Variants in OGDH observed in about 807,000 individuals in gnomAD.
The protein encoded by OGDH is 2-oxoglutarate dehydrogenase complex component E1.
In OGDH, 38 loss-of-function variants were observed where a neutral mutation model predicts 116.6. That is an observed-to-expected ratio of 0.33 (90% CI 0.25 to 0.43). The LOEUF (loss-of-function observed/expected upper bound fraction) is 0.43, where lower values mean the gene tolerates loss of function less well. Ranked by LOEUF, OGDH falls within the 20% of genes least tolerant of loss-of-function variation. The pLI is 1.00. For synonymous variants in OGDH, 488 were observed against 533.3 expected (o/e 0.92, Z 1.17); for missense variants, 825 against 1,357.2 (o/e 0.61, Z 6.16).
At chr7:44,644,978 A>G (rs1054740108) in intron 2 of OGDH, among the ~76,000 whole-genome samples, 2 of 152,238 alleles carry the variant, frequency 1.3e-5, no homozygotes, top group Non-Finnish European at 2.9e-5. Flanking sequence ...CTGTTGACCT[A>G]CATCCTGAAT....
At chr7:44,610,506 G>C (rs915891120) in intron 1 of OGDH, among the ~76,000 whole-genome samples, 2 of 152,056 alleles carry the variant, frequency 1.3e-5, no homozygotes, top group Non-Finnish European at 2.9e-5. Context: ...GTTTCACCGT[G>C]TTGGTCAGGC....
rs112136013 is a variant in OGDH, at chr7:44,681,217, T to C, written c.1207-503T>C. On this transcript the variant is annotated intron_variant, in intron 9 of 22. Coordinates refer to ENST00000222673, the MANE Select transcript of OGDH (RefSeq NM_002541.4). ...AAACAATGGTGAGTGAAAGGGAGGA[T>C]AGCAGACAGCAGCCTCCCAGGTGAG... is the stretch of plus-strand genomic sequence containing the variant. Among the ~76,000 whole-genome samples the C allele has an allele frequency of 5.7e-3, 864 of 152,314 alleles. 10 individuals are homozygous for C. Among genetic ancestry groups the C allele is most frequent in the African/African-American group, 0.019 (790 of 41,570 alleles).
rs1000997635 is a variant in OGDH at position 44,647,396 on chromosome 7, A to G, written c.415-261A>G. 4 of 1,334,918 alleles carry G rather than the reference A, an allele frequency of 3.0e-6. No individual in the cohort carries two copies. In the African/African-American group the frequency reaches 4.3e-5, roughly 14 times the overall value. 82.7% of individuals were successfully genotyped at this position (1,334,918 alleles called of 1,614,324 possible). On this transcript the variant is annotated intron_variant, in intron 3 of 22. Transcript: ENST00000222673. ...ACCTGTGACTCTTTTAACCCTCCCC[A>G]CAGCTCACTGGATCTGCTTAATGAC...
At chr7:44,702,442 GAC>G (rs1491106786) in intron 20 of OGDH, among the ~76,000 whole-genome samples, 2 of 151,988 alleles carry the variant, frequency 1.3e-5, no homozygotes, top group African/African-American at 4.9e-5. Context: ...GCAGGATGTT[GAC>G]ACAGCCTTTA....
chr7:44,645,370 C>T lies in OGDH; in HGVS notation c.266C>T (p.Pro89Leu), dbSNP rs778498070. 3.2e-5 allele frequency: 52 copies of T among 1,614,022 alleles called. No homozygotes were observed. Among genetic ancestry groups the T allele is most frequent in the African/African-American group, 5.3e-5 (4 of 74,928 alleles). The change falls in exon 3 of 23, where the codon CCG becomes CTG. Residue 89 changes from proline to leucine, a missense_variant. This residue lies in a region of OGDH where 126 missense variants were observed against 130.4 expected (regional missense o/e 0.97). Coordinates refer to ENST00000222673, the MANE Select transcript of OGDH (RefSeq NM_002541.4). ...CGCAACACGAATGCCGGAGCCCCAC[C>T]GGGCACTGCCTACCAGAGTCCCCTT... is the stretch of plus-strand genomic sequence containing the variant. ...FFRNTNAGAP[P>L]GTAYQSPLPL...
Position 44,694,666 on chromosome 7 carries a change from C to T in OGDH, c.1668+90C>T, listed in dbSNP as rs184519712. The T allele has an allele frequency of 1.4e-6, 2 of 1,459,044 alleles. No homozygotes were observed. The highest frequency in any genetic ancestry group is 1.9e-6 in the Non-Finnish European group (2 of 1,051,764). 90.4% of individuals were successfully genotyped at this position (1,459,044 alleles called of 1,614,324 possible). A position where few individuals can be genotyped will look rare whatever the true frequency, so the allele number is the denominator to read the frequency against. On this transcript the variant is annotated intron_variant, in intron 12 of 22. Coordinates refer to ENST00000222673, the MANE Select transcript of OGDH (RefSeq NM_002541.4). The surrounding 1 kb of genome is among the most constrained non-coding windows in gnomAD (Gnocchi z 4.2). ...CCACAGGGCCAGTTCTCACTTTTGC[C>T]AGTTATGAGGATACACGTGAGAGGA...
At chr7:44,640,348 G>A (rs915353240) in intron 2 of OGDH, among the ~76,000 whole-genome samples, 1 of 152,166 alleles carries the variant, frequency 6.6e-6, no homozygotes. Context: ...GTGGGAATAT[G>A]ATTGACATTC....
intron 10 of OGDH, among the ~76,000 whole-genome samples, chr7:44,692,958 A>G (rs963674993): frequency 2.9e-4 from 44 of 150,932 alleles, no homozygotes; most frequent in African/African-American, 1.0e-3. Context: ...GTGAGCTACG[A>G]TTGCACCACT....
At chr7:44,641,281 A>G (rs1374150668) in intron 2 of OGDH, among the ~76,000 whole-genome samples, 1 of 137,994 alleles carries the variant, frequency 7.2e-6, no homozygotes, top group Admixed American at 7.6e-5. Context: ...GCTGGAATAC[A>G]ATGGTGCGAT....
intron 9 of OGDH, among the ~76,000 whole-genome samples, chr7:44,678,147 A>G (rs1787778975): frequency 6.6e-6 from 1 of 151,954 alleles, no homozygotes; most frequent in African/African-American, 2.4e-5. Flanking sequence ...CTAGATGCAA[A>G]GAGGCCTTAG....
In OGDH at chr7:44,697,400, T is replaced by C. The variant is rs1391802538; in HGVS notation, c.2082T>C (p.Asn694=). The part of the protein sequence containing the change: ...SHRHHVLHDQ[N]VDKRTCIPMN... Reference sequence around the variant, plus strand: ...GCCACCATGTGCTCCATGACCAGAATGTGGACAAGAGAACCTGCATCCCCA... The same window carrying C: ...GCCACCATGTGCTCCATGACCAGAACGTGGACAAGAGAACCTGCATCCCCA... Residue 694 remains asparagine, a synonymous_variant, in exon 16 of 23, where the codon AAT becomes AAC. Transcript: ENST00000222673. This position sits in a 1 kb window ranked among gnomAD's most constrained non-coding sequence, Gnocchi z 6.0. The C allele has an allele frequency of 4.3e-6, 7 of 1,614,058 alleles. No individual in the cohort carries two copies. The highest frequency in any genetic ancestry group is 5.9e-6 in the Non-Finnish European group (7 of 1,180,022).
intron 4 of OGDH, among the ~76,000 whole-genome samples, chr7:44,666,041 G>A (rs1787170055): frequency 6.6e-6 from 1 of 152,200 alleles, no homozygotes; most frequent in South Asian, 2.1e-4. Flanking sequence ...CAGGAGATGG[G>A]AGGGTTGTAC....
chr7:44,616,818 T>C (rs1369708673), intron 1 of OGDH, among the ~76,000 whole-genome samples: 2 of 115,792 alleles, frequency 1.7e-5, no homozygotes, highest in African/African-American at 8.1e-5. Flanking sequence ...CATATATACG[T>C]ATATATGTGT....
chr7:44,681,439 G>A lies in OGDH; in HGVS notation c.1207-281G>A, dbSNP rs1320822962. On this transcript the variant is annotated intron_variant, in intron 9 of 22. Transcript: ENST00000222673. ...GCTGCCCTCCCGGAACAGAGGGTCC[G>A]GGTAGTCATGTTGGAGAGTGTCCTA... Among the ~76,000 whole-genome samples the A allele has an allele frequency of 3.3e-5, 5 of 152,172 alleles. No individual in the cohort carries two copies. The East Asian group carries it at 5.8e-4, about 18-fold the overall frequency.
At chr7:44,682,758 T>C (rs1787983259) in intron 10 of OGDH, among the ~76,000 whole-genome samples, 1 of 151,952 alleles carries the variant, frequency 6.6e-6, no homozygotes, top group East Asian at 1.9e-4. Flanking sequence ...GGGTTTGAGA[T>C]AGGAGGATCA....
At chr7:44,689,529 G>A (rs1156262715) in intron 10 of OGDH, among the ~76,000 whole-genome samples, 14 of 145,536 alleles carry the variant, frequency 9.6e-5, no homozygotes, top group South Asian at 2.3e-4. Flanking sequence ...ATGAGCCACC[G>A]CACCCCCAGC....
chr7:44,626,025 C>G (rs1785189271), intron 2 of OGDH, among the ~76,000 whole-genome samples: 1 of 152,014 alleles, frequency 6.6e-6, no homozygotes, highest in Non-Finnish European at 1.5e-5. Flanking sequence ...TGCTGGGCCA[C>G]CAGGTCCCAT....
intron 9 of OGDH, 72 bp downstream of exon 9, chr7:44,676,221 A>G: frequency 1.2e-6 from 2 of 1,613,264 alleles, no homozygotes; most frequent in Non-Finnish European, 8.5e-7. Context: ...TCCGCTCACC[A>G]ACATAACCCA....
intron 2 of OGDH, among the ~76,000 whole-genome samples, chr7:44,642,039 G>T (rs936365414): frequency 6.6e-6 from 1 of 152,194 alleles, no homozygotes. Flanking sequence ...CATGAGAACC[G>T]ATTTAATGGA....
Sources: gnomAD v4.1 joint callset for allele counts (sites outside exome capture counted in the v4.1 genomes callset) on GRCh38, gnomAD v4.1.1 for gene constraint, gnomAD v4.1.1 regional missense constraint, Gnocchi (gnomAD v3.1) non-coding constraint, MANE v1.5 for transcripts, NCBI Gene and HGNC (gene_info 2026-07-23, HGNC 2026-07-21) for gene names.